CLMP: variants seen among roughly 807,000 people sequenced by gnomAD.
The protein encoded by CLMP is CXADR-like membrane protein.
Under a neutral mutation model 45.2 loss-of-function variants are expected in CLMP, and 27 were observed. The ratio of observed to expected loss-of-function variants is 0.60; its 90% CI spans 0.44 to 0.82. CLMP has a LOEUF of 0.82. Ranked by LOEUF, CLMP falls within the 40% of genes least tolerant of loss-of-function variation. CLMP has a pLI of 0.00. For synonymous variants in CLMP, 167 were observed against 171.4 expected (o/e 0.97, Z 0.20); for missense variants, 403 against 448.4 (o/e 0.90, Z 0.91).
At chr11:123,165,653 A>G (rs1861546377) in intron 1 of CLMP, among the ~76,000 whole-genome samples, 1 of 152,008 alleles carries the variant, frequency 6.6e-6, no homozygotes, top group Non-Finnish European at 1.5e-5. Flanking sequence ...TAGCATCATT[A>G]TTTTCAGTTT....
intron 1 of CLMP, among the ~76,000 whole-genome samples, chr11:123,137,147 C>CTTTT (rs375816483): frequency 1.4e-3 from 117 of 82,458 alleles, no homozygotes; most frequent in South Asian, 1.9e-3. Flanking sequence ...TTTTCTTTTT[C>CTTTT]TTTTTTTTTT....
At chr11:123,185,878 A>G (rs1010760647) in intron 1 of CLMP, among the ~76,000 whole-genome samples, 3 of 151,838 alleles carry the variant, frequency 2.0e-5, no homozygotes, top group Admixed American at 1.3e-4. Flanking sequence ...AAAAGCAAAC[A>G]TAATTCAACA....
chr11:123,147,020 T>C (rs189923594), intron 1 of CLMP, among the ~76,000 whole-genome samples: 19 of 152,370 alleles, frequency 1.2e-4, no homozygotes, highest in Admixed American at 5.2e-4. Flanking sequence ...GACTCTGACC[T>C]TTCTCTATCC....
At chr11:123,132,615 C>G (rs1354882579) in intron 1 of CLMP, among the ~76,000 whole-genome samples, 2 of 151,908 alleles carry the variant, frequency 1.3e-5, no homozygotes, top group African/African-American at 4.8e-5. Context: ...CCTGCCACCA[C>G]ACCCAGCTAA....
chr11:123,098,793 G>A (rs891670566), intron 1 of CLMP, among the ~76,000 whole-genome samples: 9 of 145,278 alleles, frequency 6.2e-5, no homozygotes, highest in Admixed American at 1.5e-4. Flanking sequence ...TGCAACCTCC[G>A]TCCCCCAGGT....
At chr11:123,076,359 C>T (rs1334051958) in intron 5 of CLMP, among the ~76,000 whole-genome samples, 1 of 152,164 alleles carries the variant, frequency 6.6e-6, no homozygotes, top group Admixed American at 6.6e-5. Context: ...CAGTTATAGG[C>T]ACTGTTGAAG....
chr11:123,075,990 T>C (rs2135461859), intron 5 of CLMP, among the ~76,000 whole-genome samples: 1 of 152,122 alleles, frequency 6.6e-6, no homozygotes, highest in South Asian at 2.1e-4. Context: ...CTGGCCAACA[T>C]GGCAAAACCC....
At chr11:123,189,470 G>A (rs567115089) in intron 1 of CLMP, among the ~76,000 whole-genome samples, 1 of 152,270 alleles carries the variant, frequency 6.6e-6, no homozygotes, top group Admixed American at 6.5e-5. Flanking sequence ...AGTGATTTGA[G>A]GTGAGATAAG....
chr11:123,143,486 AG>A (rs1861194122), intron 1 of CLMP, among the ~76,000 whole-genome samples: 1 of 150,506 alleles, frequency 6.6e-6, no homozygotes, highest in Non-Finnish European at 1.5e-5. Flanking sequence ...CCAGCCTTGA[AG>A]AAGTTAGCTG....
chr11:123,103,962 G>A (rs186228530), intron 1 of CLMP, among the ~76,000 whole-genome samples: 7 of 149,968 alleles, frequency 4.7e-5, no homozygotes, highest in East Asian at 4.0e-4. Flanking sequence ...CCTGAGTAGC[G>A]GGGATTACAG....
chr11:123,112,967 G>A (rs922283261), intron 1 of CLMP, among the ~76,000 whole-genome samples: 1 of 151,790 alleles, frequency 6.6e-6, no homozygotes, highest in East Asian at 2.0e-4. Context: ...TAGAGACGGG[G>A]TTTCACCGTG....
At chr11:123,171,501 T>C (rs1861632738) in intron 1 of CLMP, among the ~76,000 whole-genome samples, 2 of 150,376 alleles carry the variant, frequency 1.3e-5, no homozygotes, top group Non-Finnish European at 3.0e-5. Context: ...TGGAGTGCAG[T>C]GGTGTGATCT....
chr11:123,127,116 T>C (rs953348523), intron 1 of CLMP, among the ~76,000 whole-genome samples: 1 of 152,038 alleles, frequency 6.6e-6, no homozygotes, highest in South Asian at 2.1e-4. Flanking sequence ...ATTTCTTTTT[T>C]TTTCTTTTCT....
chr11:123,136,307 G>C (rs1051132817), intron 1 of CLMP: 1 of 634,770 alleles, frequency 1.6e-6, no homozygotes, highest in Admixed American at 2.0e-5. Flanking sequence ...GTGTCTTCGC[G>C]CATACTCAGT....
chr11:123,099,311 G>A (rs1392951772), intron 1 of CLMP, among the ~76,000 whole-genome samples: 1 of 152,182 alleles, frequency 6.6e-6, no homozygotes, highest in Admixed American at 6.5e-5. Context: ...TCTAGTAACA[G>A]TTGTTGCTGA....
intron 1 of CLMP, among the ~76,000 whole-genome samples, chr11:123,186,521 CT>C (rs113644477): frequency 0.029 from 4,196 of 142,658 alleles, 58 homozygotes; most frequent in African/African-American, 0.046. Context: ...AATTTGTGAG[CT>C]TTTTTTTTTT....
intron 2 of CLMP, among the ~76,000 whole-genome samples, chr11:123,089,372 A>G (rs1052813898): frequency 6.6e-6 from 1 of 151,976 alleles, no homozygotes; most frequent in African/African-American, 2.4e-5. Context: ...AAAAAAAGAA[A>G]CACATTTTTC....
intron 1 of CLMP, among the ~76,000 whole-genome samples, chr11:123,115,143 G>A (rs1860703417): frequency 6.6e-6 from 1 of 152,128 alleles, no homozygotes. Context: ...CTAGGCTCAA[G>A]CGATCCTCCT....
rs576924544 is a variant in CLMP, at chr11:123,162,506, T to C, written c.28+32407A>G. On this transcript the variant is annotated intron_variant, in intron 1 of 6. Transcript: ENST00000448775. ...AAATCTTTCAGGCACCTGGGATGAA[T>C]TAATTGAGGGCTTGCTGGGAGCAAG... is the stretch of plus-strand genomic sequence containing the variant. 3.3e-5 allele frequency among the ~76,000 whole-genome samples: 5 copies of C among 152,178 alleles called. No homozygotes were observed. In the East Asian group the frequency reaches 9.7e-4, roughly 29 times the overall value.
Sources: allele counts gnomAD v4.1 joint callset (sites outside exome capture counted in the v4.1 genomes callset), GRCh38; gene constraint gnomAD v4.1.1; transcripts MANE v1.5; gene names NCBI Gene and HGNC (gene_info 2026-07-23, HGNC 2026-07-21).